ME2: variants seen among roughly 807,000 people sequenced by gnomAD.
ME2 encodes the protein NAD-dependent malic enzyme, mitochondrial.
A neutral mutation model predicts 73.7 loss-of-function variants in ME2; 60 were observed. The ratio of observed to expected loss-of-function variants is 0.81; its 90% CI spans 0.66 to 1.01. ME2 has a LOEUF of 1.01. ME2 is among the 50% of genes least tolerant of loss of function. The pLI, the probability that ME2 is intolerant of heterozygous loss-of-function variation, is 0.00. For synonymous variants in ME2, 199 were observed against 236.9 expected, an observed-to-expected ratio of 0.84 and a Z score of 1.47; for missense variants, 594 against 705.5, an observed-to-expected ratio of 0.84 and a Z score of 1.79.
intron 13 of ME2, among the ~76,000 whole-genome samples, chr18:50,938,936 A>G (rs1304995406): frequency 6.6e-6 from 1 of 152,194 alleles, no homozygotes; most frequent in Non-Finnish European, 1.5e-5. Flanking sequence ...CAGGAAAGAC[A>G]AAGTTATGCA....
Position 50,921,116 on chromosome 18 carries a change from GA to G in ME2, c.989del (p.Asn330MetfsTer21). On this transcript the variant is annotated frameshift_variant, in exon 10 of 16. Coordinates refer to ENST00000321341, the MANE Select transcript of ME2 (RefSeq NM_002396.5). LOFTEE classifies it high-confidence loss of function. ...AAATCTTATAGTTATGTCTATGGTAGAAAATGGCCTGTCAGAACAAGAGGCA... is the reference window on the plus strand; with the variant it reads ...AAATCTTATAGTTATGTCTATGGTAGAAATGGCCTGTCAGAACAAGAGGCA... Reference protein sequence around the residue: ...IANLIVMSMVENGLSEQEAQK... With the variant: ...IANLIVMSMVXNGLSEQEAQK... The G allele has an allele frequency of 6.2e-7, 1 of 1,601,622 alleles. No homozygotes were observed. Among genetic ancestry groups the G allele is most frequent in the Non-Finnish European group, 8.5e-7 (1 of 1,174,840 alleles).
chr18:50,913,775 G>C (rs1917217541), intron 4 of ME2, among the ~76,000 whole-genome samples: 1 of 151,630 alleles, frequency 6.6e-6, no homozygotes, highest in South Asian at 2.1e-4. Context: ...GTTTCCTCAT[G>C]TGTAAAATGG....
intron 2 of ME2, among the ~76,000 whole-genome samples, chr18:50,905,728 G>A (rs960586297): frequency 1.3e-5 from 2 of 152,194 alleles, no homozygotes; most frequent in African/African-American, 2.4e-5. Context: ...AGAAATAAAT[G>A]TCTGGATTAT....
chr18:50,911,662 A>AG (rs1917159978), intron 3 of ME2, among the ~76,000 whole-genome samples: 1 of 152,154 alleles, frequency 6.6e-6, no homozygotes, highest in Non-Finnish European at 1.5e-5. Context: ...CTATACCTGG[A>AG]GAGAGTGCAG....
At position 50,947,181 on chromosome 18, in the gene ME2, A is replaced by G. The variant is rs1340245157; in HGVS notation, c.1752A>G (p.Glu584=). Residue 584 remains glutamate, a synonymous_variant, in exon 16 of 16, where the codon GAA becomes GAG. Coordinates refer to ENST00000321341, the MANE Select transcript of ME2 (RefSeq NM_002396.5). ...ESASSPPVIT[E] ...CATCAAGCCCTCCTGTGATAACAGA[A>G]TAGAAGCACTCCCCTGATAAATACT... The G allele has an allele frequency of 1.2e-6, 2 of 1,612,356 alleles. No homozygotes were observed. Among genetic ancestry groups the G allele is most frequent in the Admixed American group, 1.7e-5 (1 of 59,860 alleles).
chr18:50,952,196 G>A lies in ME2; in HGVS notation c.*5012G>A, dbSNP rs1918241320. 6.6e-6 allele frequency: 1 copy of A among 152,048 alleles called. No individual in the cohort carries two copies. Among genetic ancestry groups the A allele is most frequent in the Non-Finnish European group, 1.5e-5 (1 of 68,020 alleles). The allele number at this position is 152,048 out of a possible 1,614,324, so 9.4% of individuals were successfully genotyped here. A position where few individuals can be genotyped will look rare whatever the true frequency, so the allele number is the denominator to read the frequency against. ...AAGTAACATACTTCATATTTAAAAA[G>A]TTCACAGCAATTTGACCATAGAAAA... On this transcript the variant is annotated 3_prime_UTR_variant, in exon 16 of 16. Coordinates refer to ENST00000321341, the MANE Select transcript of ME2 (RefSeq NM_002396.5).
chr18:50,937,092 C>CA (rs1161345010), intron 13 of ME2, among the ~76,000 whole-genome samples: 3 of 151,010 alleles, frequency 2.0e-5, no homozygotes, highest in Admixed American at 1.3e-4. Context: ...GGAAAAGGAA[C>CA]ATAGGCAAGA....
At chr18:50,885,385 G>C (rs996414953) in intron 1 of ME2, among the ~76,000 whole-genome samples, 6 of 152,060 alleles carry the variant, frequency 3.9e-5, no homozygotes, top group Non-Finnish European at 7.3e-5. Context: ...GGGCACAGTG[G>C]CTTGTACCTG....
At chr18:50,917,224 GA>G (rs1204069324) in intron 5 of ME2, 122 bp from the exon 6 acceptor site, 1 of 745,118 alleles carries the variant, frequency 1.3e-6, no homozygotes, top group Non-Finnish European at 2.1e-6. Flanking sequence ...AATTAGCCAA[GA>G]AACAATTTTA....
chr18:50,903,695 C>G (rs557007478), intron 2 of ME2, among the ~76,000 whole-genome samples: 1 of 152,128 alleles, frequency 6.6e-6, no homozygotes, highest in Non-Finnish European at 1.5e-5. Flanking sequence ...GCAATCTATC[C>G]GTGCTGGCAT....
At chr18:50,925,920 G>A in intron 12 of ME2, 22 bp downstream of exon 12, 1 of 1,539,344 alleles carries the variant, frequency 6.5e-7, no homozygotes, top group Non-Finnish European at 9.0e-7. Flanking sequence ...CACATGAATT[G>A]ATATGTATAT....
intron 1 of ME2, among the ~76,000 whole-genome samples, chr18:50,887,390 A>C (rs116436870): frequency 6.6e-6 from 1 of 152,222 alleles, no homozygotes; most frequent in Admixed American, 6.5e-5. Context: ...AACACAGTAC[A>C]TGAATACTAC....
rs868701734 is a variant in ME2 at position 50,918,345 on chromosome 18, C to T, written c.734+132C>T. On this transcript the variant is annotated intron_variant, in intron 7 of 15. Coordinates refer to ENST00000321341, the MANE Select transcript of ME2 (RefSeq NM_002396.5). ...CAGGAGGCGATTAAATTTTTGAGAACTTTGTTCTGCCTGGCTGTTTCTGCC... is the reference window on the plus strand; with the variant it reads ...CAGGAGGCGATTAAATTTTTGAGAATTTTGTTCTGCCTGGCTGTTTCTGCC... 179 of 540,524 alleles carry T rather than the reference C, an allele frequency of 3.3e-4. 1 individual carries two copies. In the Middle Eastern group the frequency reaches 8.6e-3, roughly 26 times the overall value. 33.5% of individuals were successfully genotyped at this position (540,524 alleles called of 1,614,324 possible). A position where few individuals can be genotyped will look rare whatever the true frequency, so the allele number is the denominator to read the frequency against.
intron 4 of ME2, among the ~76,000 whole-genome samples, chr18:50,914,122 A>G (rs755839118): frequency 6.6e-6 from 1 of 152,070 alleles, no homozygotes; most frequent in Non-Finnish European, 1.5e-5. Flanking sequence ...CCCATCCCCA[A>G]GATTTCTGAT....
At chr18:50,927,721 C>CATATAT (rs368161371) in intron 12 of ME2, among the ~76,000 whole-genome samples, 22,454 of 84,688 alleles carry the variant, frequency 0.27, 3,480 homozygotes, top group Non-Finnish European at 0.34. Flanking sequence ...CCCAAAAAAC[C>CATATAT]ATATATATAT....
chr18:50,941,901 A>G (rs1420581995), intron 15 of ME2, among the ~76,000 whole-genome samples: 1 of 151,794 alleles, frequency 6.6e-6, no homozygotes, highest in Non-Finnish European at 1.5e-5. Context: ...TCTCATTATT[A>G]AGGCATTATT....
At position 50,952,266 on chromosome 18, in the gene ME2, G is replaced by GA. The variant is rs1165230815; in HGVS notation, c.*5089dup. On this transcript the variant is annotated 3_prime_UTR_variant, in exon 16 of 16. Transcript: ENST00000321341. ...GGTAAGTTTTTTTAATGTAAGCAGA[G>GA]AAAAAAATAAAGCAGTGTTTTATTT... 1 of 151,976 alleles carries GA rather than the reference G, an allele frequency of 6.6e-6. No homozygotes were observed. The highest frequency in any genetic ancestry group is 2.4e-5 in the African/African-American group (1 of 41,380). The allele number at this position is 151,976 out of a possible 1,614,324, so 9.4% of individuals were successfully genotyped here.
chr18:50,912,982 GATT>G, intron 4 of ME2, 32 bp downstream of exon 4: 1 of 1,542,890 alleles, frequency 6.5e-7, no homozygotes, highest in South Asian at 1.2e-5. Flanking sequence ...GCTTGTAAAT[GATT>G]ATTGAATAAG....
At chr18:50,914,642 C>A (rs746057655) in intron 4 of ME2, among the ~76,000 whole-genome samples, 4 of 152,092 alleles carry the variant, frequency 2.6e-5, no homozygotes, top group Non-Finnish European at 4.4e-5. Flanking sequence ...GGAGGTGGGA[C>A]CCTGGCATTT....
Sources: allele counts gnomAD v4.1 joint callset (sites outside exome capture counted in the v4.1 genomes callset), GRCh38; gene constraint gnomAD v4.1.1; transcripts MANE v1.5; gene names NCBI Gene and HGNC (gene_info 2026-07-23, HGNC 2026-07-21).